Variants in ETV5 observed in about 807,000 individuals in gnomAD.
ETV5 encodes ETS variant transcription factor 5.
Under a neutral mutation model 70.0 loss-of-function variants are expected in ETV5, and 10 were observed. That is an observed-to-expected ratio of 0.14 (90% confidence interval 0.09 to 0.24). The LOEUF is 0.24. Ranked by LOEUF, ETV5 falls within the 10% of genes least tolerant of loss-of-function variation. The pLI, the probability that ETV5 is intolerant of heterozygous loss-of-function variation, is 1.00. For missense variants in ETV5, 453 were observed against 651.2 expected, an observed-to-expected ratio of 0.70 and a Z score of 3.31; for synonymous variants, 216 against 242.2, an observed-to-expected ratio of 0.89 and a Z score of 1.01.
At chr3:186,056,146 G>GA (rs1713157316) in intron 11 of ETV5, among the ~76,000 whole-genome samples, 2 of 152,178 alleles carry the variant, frequency 1.3e-5, no homozygotes, top group African/African-American at 4.8e-5. Flanking sequence ...CTCCACTGAA[G>GA]AAACGGCACT....
Position 186,081,074 on chromosome 3 carries a change from A to G in ETV5, c.334T>C (p.Tyr112His), listed in dbSNP as rs200054486. The change falls in exon 6 of 13, where the codon TAT becomes CAT. Residue 112 changes from tyrosine to histidine, a missense_variant. By Grantham distance (83) the Tyr-to-His change is moderately conservative. Around this residue, in one of 4 missense-constraint regions of ETV5, gnomAD observed 307 missense variants for 344.9 expected, o/e 0.89. Transcript: ENST00000306376. Reference sequence around the variant, plus strand: ...TAGTTGTAGAGGCACTTTTCTCCATAGTTAGCACCAAGAGCCTGCTCATGG... The same window carrying G: ...TAGTTGTAGAGGCACTTTTCTCCATGGTTAGCACCAAGAGCCTGCTCATGG... Reference protein sequence around the residue: ...CSHEQALGANYGEKCLYNYCA... With the variant: ...CSHEQALGANHGEKCLYNYCA... 59 of 1,613,182 alleles carry G rather than the reference A, an allele frequency of 3.7e-5. No homozygotes were observed. Among genetic ancestry groups the G allele is most frequent in the Non-Finnish European group, 4.9e-5 (58 of 1,179,550 alleles).
intron 1 of ETV5, chr3:186,108,601 G>T (rs1348365730): frequency 8.2e-7 from 1 of 1,223,890 alleles, no homozygotes; most frequent in Non-Finnish European, 1.0e-6. Context: ...CGGGGCTCTC[G>T]AATCTCCAGA....
chr3:186,056,603 T>G (rs1028442083), intron 11 of ETV5, among the ~76,000 whole-genome samples: 1 of 152,248 alleles, frequency 6.6e-6, no homozygotes, highest in Non-Finnish European at 1.5e-5. Flanking sequence ...CCACCTCTGA[T>G]AATTTTATTT....
intron 5 of ETV5, among the ~76,000 whole-genome samples, chr3:186,102,823 G>C (rs1277823646): frequency 6.6e-6 from 1 of 152,028 alleles, no homozygotes; most frequent in Non-Finnish European, 1.5e-5. Context: ...TCCTGAACTC[G>C]AGGCTGTGGA....
chr3:186,070,842 A>C (rs1485983523), intron 7 of ETV5, among the ~76,000 whole-genome samples: 1 of 152,234 alleles, frequency 6.6e-6, no homozygotes, highest in Non-Finnish European at 1.5e-5. Flanking sequence ...CAGTGAAGGC[A>C]CAGCCTGGTT....
Position 186,047,716 on chromosome 3 carries a change from A to G in ETV5, c.*923T>C, listed in dbSNP as rs1712914090. ...GGAAGCCTCAGCAAAGCCCCTCTCA[A>G]GCTGCAGTGTCTTCATAAGTTGGCA... On this transcript the variant is annotated 3_prime_UTR_variant, in exon 13 of 13. Transcript: ENST00000306376. 1 of 233,466 alleles carries G rather than the reference A, an allele frequency of 4.3e-6. No individual in the cohort carries two copies. Among genetic ancestry groups the G allele is most frequent in the African/African-American group, 2.2e-5 (1 of 45,342 alleles). 14.5% of individuals were successfully genotyped at this position (233,466 alleles called of 1,614,324 possible).
rs191519191 is a variant in ETV5, at chr3:186,096,634, A to G, written c.232+8671T>C. Among the ~76,000 whole-genome samples the G allele has an allele frequency of 3.3e-5, 5 of 152,266 alleles. No homozygotes were observed. In the East Asian group the frequency reaches 9.7e-4, roughly 29 times the overall value. On this transcript the variant is annotated intron_variant, in intron 5 of 12. Transcript: ENST00000306376. ...CAAGGCCAACTTACAGCAAGGGAAA[A>G]AAAAATCCTTGAGGCAAAACACAAG...
chr3:186,097,426 G>A (rs1473315220), intron 5 of ETV5, among the ~76,000 whole-genome samples: 3 of 152,280 alleles, frequency 2.0e-5, no homozygotes, highest in African/African-American at 7.2e-5. Context: ...CTGGAGTAGA[G>A]GGGAGGTCAG....
At chr3:186,055,556 C>A (rs1446718118) in intron 11 of ETV5, among the ~76,000 whole-genome samples, 1 of 152,244 alleles carries the variant, frequency 6.6e-6, no homozygotes, top group African/African-American at 2.4e-5. Flanking sequence ...TCTAGAGATG[C>A]TGACACATTT....
chr3:186,103,114 C>T (rs1714503363), intron 5 of ETV5, among the ~76,000 whole-genome samples: 1 of 152,090 alleles, frequency 6.6e-6, no homozygotes, highest in South Asian at 2.1e-4. Flanking sequence ...CTCTTTTATC[C>T]TTAAAAGACA....
chr3:186,048,706 C>T lies in ETV5; in HGVS notation c.1466G>A (p.Ser489Asn), dbSNP rs2150140014. 1 of 1,614,190 alleles carries T rather than the reference C, an allele frequency of 6.2e-7. No individual in the cohort carries two copies. Among genetic ancestry groups the T allele is most frequent in the Non-Finnish European group, 8.5e-7 (1 of 1,180,036 alleles). The change falls in exon 13 of 13, where the codon AGC becomes AAC. Residue 489 changes from serine to asparagine, a missense_variant. This residue lies in a region of ETV5 where 74 missense variants were observed against 95.2 expected (regional missense o/e 0.78). Coordinates refer to ENST00000306376, the MANE Select transcript of ETV5 (RefSeq NM_004454.3). ...GTCCATGTCCAGGAGGTAAGCGGGG[C>T]TGTCTTCAAAGTGGGTCAGCGGCAG... ...DTLPLTHFED[S>N]PAYLLDMDRC...
chr3:186,064,374 A>C (rs370051899), intron 9 of ETV5, 43 bp downstream of exon 9: 1 of 1,539,772 alleles, frequency 6.5e-7, no homozygotes, highest in Admixed American at 1.7e-5. Context: ...GGAAGAAAGG[A>C]GAGGAGAGAG....
rs938006491 is a variant in ETV5, at chr3:186,052,536, A to C, written c.1210-405T>G. Reference sequence around the variant, plus strand: ...GAATGGTCATTCCTGAAACATTAGAAACACACTAGTGAGTTGCTAATGGGC... The same window carrying C: ...GAATGGTCATTCCTGAAACATTAGACACACACTAGTGAGTTGCTAATGGGC... On this transcript the variant is annotated intron_variant, in intron 11 of 12. Coordinates refer to ENST00000306376, the MANE Select transcript of ETV5 (RefSeq NM_004454.3). The surrounding 1 kb of genome is among the most constrained non-coding windows in gnomAD (Gnocchi z 4.5). Among the ~76,000 whole-genome samples, 2 of 152,196 alleles carry C rather than the reference A, an allele frequency of 1.3e-5. No individual in the cohort carries two copies. The highest frequency in any genetic ancestry group is 4.8e-5 in the African/African-American group (2 of 41,454).
At chr3:186,056,375 A>T (rs1713162241) in intron 11 of ETV5, among the ~76,000 whole-genome samples, 3 of 152,150 alleles carry the variant, frequency 2.0e-5, no homozygotes, top group Admixed American at 1.3e-4. Context: ...GACTATAGAC[A>T]CACACCACCA....
chr3:186,102,407 C>T (rs182613786), intron 5 of ETV5, among the ~76,000 whole-genome samples: 2 of 152,026 alleles, frequency 1.3e-5, no homozygotes, highest in South Asian at 2.1e-4. Context: ...CTAAGGTGGG[C>T]GGATCACCTG....
intron 9 of ETV5, among the ~76,000 whole-genome samples, chr3:186,062,614 C>G (rs538017372): frequency 6.6e-6 from 1 of 152,080 alleles, no homozygotes; most frequent in African/African-American, 2.4e-5. Context: ...AGCAAGACTC[C>G]GTCTCAAAAA....
chr3:186,108,659 C>G, intron 1 of ETV5: 1 of 1,158,358 alleles, frequency 8.6e-7, no homozygotes, highest in Non-Finnish European at 1.1e-6. Flanking sequence ...ACTCGGGAGC[C>G]CCCGCACTCG....
chr3:186,087,419 A>G (rs1462545348), intron 5 of ETV5, among the ~76,000 whole-genome samples: 1 of 152,142 alleles, frequency 6.6e-6, no homozygotes, highest in Non-Finnish European at 1.5e-5. Flanking sequence ...AAATGCTTAT[A>G]CCGTTTGTAA....
At chr3:186,108,249 G>C (rs1251091489) in intron 1 of ETV5, among the ~76,000 whole-genome samples, 1 of 151,162 alleles carries the variant, frequency 6.6e-6, no homozygotes, top group South Asian at 2.1e-4. Flanking sequence ...AGCATCTTTC[G>C]GTGCTGTCCC....
Sources: gnomAD v4.1 joint callset for allele counts (sites outside exome capture counted in the v4.1 genomes callset) on GRCh38, gnomAD v4.1.1 for gene constraint, gnomAD v4.1.1 regional missense constraint, Gnocchi (gnomAD v3.1) non-coding constraint, MANE v1.5 for transcripts, NCBI Gene and HGNC (gene_info 2026-07-23, HGNC 2026-07-21) for gene names.